SLC6A2: variants seen among roughly 807,000 people sequenced by gnomAD.
SLC6A2 encodes sodium-dependent noradrenaline transporter.
Under a neutral mutation model 71.7 loss-of-function variants are expected in SLC6A2, and 26 were observed. The observed-to-expected ratio is 0.36, with a 90% CI of 0.27 to 0.50. The LOEUF (loss-of-function observed/expected upper bound fraction) is 0.50, where lower values mean the gene tolerates loss of function less well. Ranked by LOEUF, SLC6A2 falls within the 20% of genes least tolerant of loss-of-function variation. The pLI, the probability that SLC6A2 is intolerant of heterozygous loss-of-function variation, is 0.96. For missense variants in SLC6A2, 581 were observed against 803.9 expected, an observed-to-expected ratio of 0.72 and a Z score of 3.35; for synonymous variants, 363 against 337.9, an observed-to-expected ratio of 1.07 and a Z score of -0.82.
intron 2 of SLC6A2, among the ~76,000 whole-genome samples, chr16:55,666,703 G>A (rs1176166657): frequency 1.3e-5 from 2 of 152,190 alleles, no homozygotes; most frequent in Non-Finnish European, 2.9e-5. Context: ...CCAGCCAGCA[G>A]AGGAAGAATA....
At chr16:55,699,043 G>C (rs180993633) in intron 11 of SLC6A2, among the ~76,000 whole-genome samples, 2 of 152,298 alleles carry the variant, frequency 1.3e-5, no homozygotes, top group Admixed American at 1.3e-4. Context: ...ACAGAACTGA[G>C]AGAATATTTT....
rs370734887 is a variant in SLC6A2, at chr16:55,659,439, A to G, written c.274+2471A>G. Among the ~76,000 whole-genome samples the G allele has an allele frequency of 5.3e-5, 8 of 152,160 alleles. No homozygotes were observed. In the East Asian group the frequency reaches 7.7e-4, roughly 15 times the overall value. ...ATGGAGCAAACTTGTCACGAGTTCC[A>G]GTCTTTAGGTGAAGCTGACCGAGGG... On this transcript the variant is annotated intron_variant, in intron 2 of 14. Transcript: ENST00000568943.
rs531813791 is a variant in SLC6A2 at position 55,681,947 on chromosome 16, C to A, written c.645-3196C>A. On this transcript the variant is annotated intron_variant, in intron 4 of 14. Transcript: ENST00000568943. ...TTTGAGATGGAGTCTCGCTCTGTTG[C>A]CCAGGCTGGAGTGCAGTGACAAGAT... Among the ~76,000 whole-genome samples, 14 of 152,300 alleles carry A rather than the reference C, an allele frequency of 9.2e-5. No homozygotes were observed. In the East Asian group the frequency reaches 2.5e-3, roughly 27 times the overall value.
At chr16:55,669,815 A>T (rs999680460) in intron 3 of SLC6A2, 119 bp downstream of exon 3, 1 of 1,122,188 alleles carries the variant, frequency 8.9e-7, no homozygotes, top group South Asian at 1.3e-5. Context: ...ATTCACAGGT[A>T]TTGACAAGGT....
At chr16:55,686,833 G>T (rs1340925200) in intron 5 of SLC6A2, among the ~76,000 whole-genome samples, 1 of 152,200 alleles carries the variant, frequency 6.6e-6, no homozygotes, top group African/African-American at 2.4e-5. Context: ...ACCAGGATAG[G>T]ACCACTAACA....
chr16:55,685,071 G>A, intron 4 of SLC6A2, 72 bp from the exon 5 acceptor site: 13 of 1,477,272 alleles, frequency 8.8e-6, no homozygotes, highest in Middle Eastern at 4.2e-4. Context: ...GCAGGGACTG[G>A]TCTGTGGTCA....
chr16:55,700,851 GTA>G (rs1303367504), intron 13 of SLC6A2, among the ~76,000 whole-genome samples: 4 of 151,818 alleles, frequency 2.6e-5, no homozygotes, highest in African/African-American at 9.7e-5. Flanking sequence ...ACATGTGTGT[GTA>G]TATACATACA....
intron 2 of SLC6A2, among the ~76,000 whole-genome samples, chr16:55,664,485 C>T (rs1286152156): frequency 2.0e-5 from 3 of 152,222 alleles, no homozygotes; most frequent in Non-Finnish European, 4.4e-5. Context: ...GGCGTTCATG[C>T]TGTGCTCCAC....
At chr16:55,664,606 T>G (rs1964697733) in intron 2 of SLC6A2, among the ~76,000 whole-genome samples, 1 of 152,184 alleles carries the variant, frequency 6.6e-6, no homozygotes, top group African/African-American at 2.4e-5. Context: ...TGGGTCCCAT[T>G]TACGGAGCAC....
chr16:55,673,606 C>T (rs540071733), intron 4 of SLC6A2, among the ~76,000 whole-genome samples: 19 of 152,130 alleles, frequency 1.2e-4, no homozygotes, highest in South Asian at 2.1e-4. Context: ...CTGTTGCCCA[C>T]GCTGGAGTGC....
chr16:55,666,837 T>C (rs1054549723), intron 2 of SLC6A2, among the ~76,000 whole-genome samples: 7 of 152,158 alleles, frequency 4.6e-5, no homozygotes, highest in Admixed American at 6.5e-5. Flanking sequence ...TCCTTGGCCA[T>C]GCAGCAGAGT....
intron 3 of SLC6A2, among the ~76,000 whole-genome samples, chr16:55,670,447 C>T (rs1173441755): frequency 6.6e-6 from 1 of 152,192 alleles, no homozygotes; most frequent in Non-Finnish European, 1.5e-5. Context: ...AAATTCAACT[C>T]AAACTGGCTT....
chr16:55,701,841 C>T, intron 13 of SLC6A2, 22 bp from the exon 14 acceptor site: 2 of 1,607,604 alleles, frequency 1.2e-6, no homozygotes, highest in East Asian at 2.2e-5. Flanking sequence ...GCTGAGGCCT[C>T]CTCCCCTTCT....
chr16:55,693,946 G>C lies in SLC6A2; in HGVS notation c.919-64G>C. 10 of 1,082,886 alleles carry C rather than the reference G, an allele frequency of 9.2e-6. No homozygotes were observed. The South Asian group carries it at 1.2e-4, about 13-fold the overall frequency. 67.1% of individuals were successfully genotyped at this position (1,082,886 alleles called of 1,614,324 possible). ...TCCCCAGGGTTTCTCAGCCCTTCCG[G>C]ACCAGTGAGGTGTTCCAGTGTTGTA... On this transcript the variant is annotated intron_variant, in intron 6 of 14. Transcript: ENST00000568943.
Position 55,656,106 on chromosome 16 carries a change from A to C in SLC6A2, c.-115A>C, listed in dbSNP as rs1444329935. ...CCCAGCCCGCGCCCTAGAGCCTGCC[A>C]AGGCGCCGCCGGTCGGGGGCCGGCA... On this transcript the variant is annotated 5_prime_UTR_variant, in exon 1 of 15. Transcript: ENST00000568943. The surrounding 1 kb of genome is among the most constrained non-coding windows in gnomAD (Gnocchi z 4.5). 1 of 153,798 alleles carries C rather than the reference A, an allele frequency of 6.5e-6. No homozygotes were observed. Among genetic ancestry groups the C allele is most frequent in the African/African-American group, 2.4e-5 (1 of 41,444 alleles). 9.5% of individuals were successfully genotyped at this position (153,798 alleles called of 1,614,324 possible).
rs1157964684 is a variant in SLC6A2 at position 55,705,071 on chromosome 16, A to G, written c.*2725A>G. 6 of 707,500 alleles carry G rather than the reference A, an allele frequency of 8.5e-6. No individual in the cohort carries two copies. In the African/African-American group the frequency reaches 1.1e-4, roughly 12 times the overall value. 43.8% of individuals were successfully genotyped at this position (707,500 alleles called of 1,614,324 possible). On this transcript the variant is annotated 3_prime_UTR_variant, in exon 15 of 15. Transcript: ENST00000568943. ...GGGACAAGGGTGCTGTGTACTGTAT[A>G]TGACACTTGACGCTTTTGATATTTT...
At position 55,685,299 on chromosome 16, in the gene SLC6A2, C is replaced by G. The variant is rs780468751; in HGVS notation, c.783+18C>G. ...CAGGAAAGGTAATATCTCTGTGTTT[C>G]TCTTTCACTTACTTGGGTGATCAAC... On this transcript the variant is annotated intron_variant, in intron 5 of 14. Coordinates refer to ENST00000568943, the MANE Select transcript of SLC6A2 (RefSeq NM_001172501.3). 17 of 1,612,540 alleles carry G rather than the reference C, an allele frequency of 1.1e-5. No individual in the cohort carries two copies. Among genetic ancestry groups the G allele is most frequent in the Middle Eastern group, 1.6e-4 (1 of 6,082 alleles).
chr16:55,694,010 G>A lies in SLC6A2; in HGVS notation c.919G>A (p.Val307Ile). The change falls in exon 7 of 15, where the codon GTA becomes ATA. Residue 307 changes from valine to isoleucine, a missense_variant and splice_region_variant. Transcript: ENST00000568943. ...IDFYRLKEAT[V>I]WIDAATQIFF... is the part of the protein sequence containing the mutation. ...GATGGCTTTTGTCTGCTGGTTTCAG[G>A]TATGGATTGATGCCGCAACTCAGAT... 6.2e-7 allele frequency: 1 copy of A among 1,606,238 alleles called. No individual in the cohort carries two copies. The highest frequency in any genetic ancestry group is 8.5e-7 in the Non-Finnish European group (1 of 1,172,734).
rs556150320 is a variant in SLC6A2, at chr16:55,675,025, G to T, written c.644+2850G>T. On this transcript the variant is annotated intron_variant, in intron 4 of 14. Coordinates refer to ENST00000568943, the MANE Select transcript of SLC6A2 (RefSeq NM_001172501.3). ...CCTTGCCAGCATCTGTTATTTTTTT[G>T]ATTTTTTAAATAATAGCCATTCTGT... is the stretch of plus-strand genomic sequence containing the variant. 7.6e-4 allele frequency among the ~76,000 whole-genome samples: 115 copies of T among 152,020 alleles called. 1 individual carries two copies. The Middle Eastern group carries it at 0.02, about 27-fold the overall frequency.
Sources: gnomAD v4.1 joint callset for allele counts (sites outside exome capture counted in the v4.1 genomes callset) on GRCh38, gnomAD v4.1.1 for gene constraint, Gnocchi (gnomAD v3.1) non-coding constraint, MANE v1.5 for transcripts, NCBI Gene and HGNC (gene_info 2026-07-23, HGNC 2026-07-21) for gene names.